Variants in PCDHGB3 observed in about 807,000 individuals in gnomAD.
PCDHGB3 encodes the protein protocadherin gamma subfamily B, 3, also known as protocadherin gamma-B3.
PCDHGB3 carries 40 observed loss-of-function variants against 59.2 expected under a neutral mutation model. That is an observed-to-expected ratio of 0.68 (90% CI 0.52 to 0.88). The LOEUF is 0.88. Ranked by LOEUF, PCDHGB3 falls within the 40% of genes least tolerant of loss-of-function variation. The pLI is 0.00. For missense variants in PCDHGB3, 1,309 were observed against 1,187.9 expected, an observed-to-expected ratio of 1.10 and a Z score of -1.50; for synonymous variants, 581 against 503.6, an observed-to-expected ratio of 1.15 and a Z score of -2.06.
intron 1 of PCDHGB3, among the ~76,000 whole-genome samples, chr5:141,481,063 C>T (rs2154578481): frequency 6.6e-6 from 1 of 151,952 alleles, no homozygotes; most frequent in Middle Eastern, 3.4e-3. Context: ...ACCTCAAAAA[C>T]AAAAAGAAAG....
At position 141,486,004 on chromosome 5, in the gene PCDHGB3, C is replaced by T; in HGVS notation, c.2416-8803C>T. The T allele has an allele frequency of 6.2e-7, 1 of 1,614,184 alleles. No homozygotes were observed. The highest frequency in any genetic ancestry group is 8.5e-7 in the Non-Finnish European group (1 of 1,180,008). The stretch of plus-strand genomic sequence containing the variant: ...CGGACCTGGGTCCCAGTGGTAACGT[C>T]ACCTTTTATTTCAGTGGTCATACCC... On this transcript the variant is annotated intron_variant, in intron 1 of 3. Coordinates refer to ENST00000576222, the MANE Select transcript of PCDHGB3 (RefSeq NM_018924.5). This position sits in a 1 kb window ranked among gnomAD's most constrained non-coding sequence, Gnocchi z 5.0.
intron 1 of PCDHGB3, among the ~76,000 whole-genome samples, chr5:141,402,022 T>A (rs1170426258): frequency 6.6e-6 from 1 of 152,210 alleles, no homozygotes; most frequent in East Asian, 1.9e-4. Context: ...TTTGAATCAT[T>A]GAAACACAGT....
chr5:141,455,627 A>G (rs1426625737), intron 1 of PCDHGB3, among the ~76,000 whole-genome samples: 2 of 152,104 alleles, frequency 1.3e-5, no homozygotes, highest in East Asian at 3.9e-4. Context: ...ACACGTGGAG[A>G]TATGTGGGGG....
intron 2 of PCDHGB3, among the ~76,000 whole-genome samples, chr5:141,502,428 A>C (rs2099814217): frequency 6.6e-6 from 1 of 151,978 alleles, no homozygotes; most frequent in South Asian, 2.1e-4. Flanking sequence ...CTATTCTCTG[A>C]TGGTTAGATT....
In PCDHGB3 at chr5:141,486,752, C is replaced by G. The variant is rs776406247; in HGVS notation, c.2416-8055C>G. On this transcript the variant is annotated intron_variant, in intron 1 of 3. Transcript: ENST00000576222. The surrounding 1 kb of genome is among the most constrained non-coding windows in gnomAD (Gnocchi z 5.0). ...TGCTACTCGATCCTTTGACTATGAG[C>G]AAACCCAGACACTGCAGTTTGAGGT... 6.2e-7 allele frequency: 1 copy of G among 1,614,244 alleles called. No individual in the cohort carries two copies. The highest frequency in any genetic ancestry group is 1.3e-5 in the African/African-American group (1 of 75,080).
rs2154594699 is a variant in PCDHGB3 at position 141,512,507 on chromosome 5, C to T, written c.*1334C>T. 6.5e-6 allele frequency: 1 copy of T among 153,048 alleles called. No individual in the cohort carries two copies. Among genetic ancestry groups the T allele is most frequent in the South Asian group, 2.1e-4 (1 of 4,836 alleles). 9.5% of individuals were successfully genotyped at this position (153,048 alleles called of 1,614,324 possible). ...CACTGCCCAGGTCCCCAGTGCGCCCCCTAGTGGCCATAGCCTGGTTAAAGT... is the reference window on the plus strand; with the variant it reads ...CACTGCCCAGGTCCCCAGTGCGCCCTCTAGTGGCCATAGCCTGGTTAAAGT... On this transcript the variant is annotated 3_prime_UTR_variant, in exon 4 of 4. Transcript: ENST00000576222.
intron 1 of PCDHGB3, chr5:141,403,947 A>C (rs1451597441): frequency 6.2e-7 from 1 of 1,613,886 alleles, no homozygotes; most frequent in Admixed American, 1.7e-5. Flanking sequence ...GGGTGGACAA[A>C]AGTGCTCATT....
chr5:141,393,019 G>A (rs1415257415), intron 1 of PCDHGB3: 1 of 1,613,746 alleles, frequency 6.2e-7, no homozygotes, highest in African/African-American at 1.3e-5. Flanking sequence ...ATCGTCTCCA[G>A]AGGTAGGACG....
rs561329093 is a variant in PCDHGB3 at position 141,509,163 on chromosome 5, C to A, written c.2564-1784C>A. Among the ~76,000 whole-genome samples the A allele has an allele frequency of 1.4e-4, 21 of 152,322 alleles. No individual in the cohort carries two copies. In the South Asian group the frequency reaches 4.1e-3, roughly 30 times the overall value. On this transcript the variant is annotated intron_variant, in intron 3 of 3. Coordinates refer to ENST00000576222, the MANE Select transcript of PCDHGB3 (RefSeq NM_018924.5). ...CATCCCGGCTCTCCCCTCCCGTGTG[C>A]CCTCCTCCTCTTATGCCGGCTTGAA...
intron 1 of PCDHGB3, chr5:141,418,113 T>C (rs1320881856): frequency 3.1e-6 from 5 of 1,613,912 alleles, no homozygotes; most frequent in Non-Finnish European, 3.4e-6. Context: ...GGGGACTTAC[T>C]TGTGAAGGAC....
chr5:141,494,782 C>T, intron 1 of PCDHGB3, 25 bp from the exon 2 acceptor site: 1 of 1,614,110 alleles, frequency 6.2e-7, no homozygotes. Context: ...GGTACTCAGC[C>T]CCTTTCCCTC....
Position 141,487,552 on chromosome 5 carries a change from A to C in PCDHGB3, c.2416-7255A>C. On this transcript the variant is annotated intron_variant, in intron 1 of 3. Coordinates refer to ENST00000576222, the MANE Select transcript of PCDHGB3 (RefSeq NM_018924.5). The surrounding 1 kb of genome is among the most constrained non-coding windows in gnomAD (Gnocchi z 5.0). ...TCATGATGGTGAAGTCACCCAGTGC[A>C]CCTATGGCAGGGGAGCCTGTTCGCC... is the stretch of plus-strand genomic sequence containing the variant. 2 of 1,614,116 alleles carry C rather than the reference A, an allele frequency of 1.2e-6. No homozygotes were observed. The highest frequency in any genetic ancestry group is 1.7e-6 in the Non-Finnish European group (2 of 1,180,024).
At chr5:141,497,568 C>G (rs1012946741) in intron 2 of PCDHGB3, among the ~76,000 whole-genome samples, 2 of 140,602 alleles carry the variant, frequency 1.4e-5, no homozygotes, top group African/African-American at 5.4e-5. Flanking sequence ...TAGACAGAGT[C>G]TTGCTCTGTT....
At chr5:141,408,857 G>A (rs372861749) in intron 1 of PCDHGB3, 4 of 1,613,542 alleles carry the variant, frequency 2.5e-6, no homozygotes, top group Non-Finnish European at 3.4e-6. Flanking sequence ...GGACGGAGGG[G>A]ACCCACCAAG....
intron 1 of PCDHGB3, among the ~76,000 whole-genome samples, chr5:141,483,644 G>GTGTT (rs919432945): frequency 6.8e-6 from 1 of 146,522 alleles, no homozygotes; most frequent in Non-Finnish European, 1.5e-5. Flanking sequence ...AGAGGGGTGT[G>GTGTT]TGTTTGTGTG....
chr5:141,387,827 A>G (rs2091110263), intron 1 of PCDHGB3: 2 of 1,585,958 alleles, frequency 1.3e-6, no homozygotes, highest in Non-Finnish European at 8.6e-7. Flanking sequence ...TGCAATACAG[A>G]GGTTATTTGT....
At chr5:141,484,966 G>A in intron 1 of PCDHGB3, 1 of 583,968 alleles carries the variant, frequency 1.7e-6, no homozygotes. Context: ...GAGCCCGGGA[G>A]CCGCTGTCTG....
chr5:141,505,602 A>G lies in PCDHGB3; in HGVS notation c.2563+121A>G, dbSNP rs1041288927. 4.6e-5 allele frequency: 71 copies of G among 1,534,990 alleles called. 1 individual carries two copies. In the Admixed American group the frequency reaches 1.4e-3, roughly 30 times the overall value. On this transcript the variant is annotated intron_variant, in intron 3 of 3. Coordinates refer to ENST00000576222, the MANE Select transcript of PCDHGB3 (RefSeq NM_018924.5). ...GTGTAGTTTCTCCAGATCTTTCGGC[A>G]GGTCTGAAAGGACCCACAATTCCAA...
rs112808093 is a variant in PCDHGB3, at chr5:141,489,579, C to A, written c.2416-5228C>A. ...CAGTGCAGGTGGTGACTGAACACCC[C>A]CTGGAGCTAATCCGTGTAGAGGTAG... On this transcript the variant is annotated intron_variant, in intron 1 of 3. Coordinates refer to ENST00000576222, the MANE Select transcript of PCDHGB3 (RefSeq NM_018924.5). This position sits in a 1 kb window ranked among gnomAD's most constrained non-coding sequence, Gnocchi z 4.5. 1.2e-6 allele frequency: 2 copies of A among 1,613,922 alleles called. No individual in the cohort carries two copies. Among genetic ancestry groups the A allele is most frequent in the African/African-American group, 2.7e-5 (2 of 74,916 alleles).
Sources: gnomAD v4.1 joint callset for allele counts (sites outside exome capture counted in the v4.1 genomes callset) on GRCh38, gnomAD v4.1.1 for gene constraint, Gnocchi (gnomAD v3.1) non-coding constraint, MANE v1.5 for transcripts, NCBI Gene and HGNC (gene_info 2026-07-23, HGNC 2026-07-21) for gene names.